The following CYP19A1 variants were observed in gnomAD, a reference collection of about 807,000 sequenced individuals.
CYP19A1 encodes cytochrome P450 family 19 subfamily A member 1, also known as aromatase.
CYP19A1 carries 32 observed loss-of-function variants against 44.4 expected under a neutral mutation model. That is an observed-to-expected ratio of 0.72 (90% CI 0.54 to 0.97). The LOEUF (loss-of-function observed/expected upper bound fraction) is 0.97, where lower values mean the gene tolerates loss of function less well. Ranked by LOEUF, CYP19A1 falls within the 50% of genes least tolerant of loss-of-function variation. CYP19A1 has a pLI of 0.00. For missense variants in CYP19A1, 598 were observed against 637.8 expected (o/e 0.94, Z 0.67); for synonymous variants, 212 against 215.6 (o/e 0.98, Z 0.14).
intron 1 of CYP19A1, among the ~76,000 whole-genome samples, chr15:51,299,817 AG>A (rs376868118): frequency 6.6e-6 from 1 of 152,212 alleles, no homozygotes; most frequent in African/African-American, 2.4e-5. Context: ...TTTAGAGTGT[AG>A]GGGAGCACCC....
chr15:51,218,367 C>T, intron 6 of CYP19A1, 174 bp downstream of exon 6: 2 of 1,004,954 alleles, frequency 2.0e-6, no homozygotes, highest in Admixed American at 5.9e-5. Flanking sequence ...CTGGTCTGGC[C>T]AAATGCAGCC....
intron 1 of CYP19A1, among the ~76,000 whole-genome samples, chr15:51,259,255 T>C (rs990576739): frequency 6.6e-6 from 1 of 152,174 alleles, no homozygotes; most frequent in African/African-American, 2.4e-5. Context: ...TTTTTTTCCT[T>C]GAAAAATAAT....
At chr15:51,218,511 T>C in intron 6 of CYP19A1, 30 bp downstream of exon 6, 1 of 1,598,246 alleles carries the variant, frequency 6.3e-7, no homozygotes, top group Non-Finnish European at 8.5e-7. Context: ...CCAATTGTAC[T>C]CATAAATCTT....
chr15:51,293,924 C>A, intron 1 of CYP19A1: 1 of 213,586 alleles, frequency 4.7e-6, no homozygotes. Context: ...CACCTCCCAG[C>A]CGCCTGCCTT....
At chr15:51,315,352 T>C (rs2036405289) in intron 1 of CYP19A1, among the ~76,000 whole-genome samples, 1 of 152,012 alleles carries the variant, frequency 6.6e-6, no homozygotes, top group Admixed American at 6.5e-5. Context: ...AGTCTTCGGG[T>C]TTCCACTGTA....
At chr15:51,223,258 G>GGAAT (rs3842333) in intron 4 of CYP19A1, among the ~76,000 whole-genome samples, 38,718 of 150,992 alleles carry the variant, frequency 0.26, 5,201 homozygotes, top group Non-Finnish European at 0.3. Flanking sequence ...TTTCAATAGA[G>GGAAT]GAATGAATGA....
In CYP19A1 at chr15:51,210,499, T is replaced by A; in HGVS notation, c.*309A>T. 1.8e-6 allele frequency: 1 copy of A among 553,860 alleles called. No homozygotes were observed. The highest frequency in any genetic ancestry group is 1.5e-5 in the South Asian group (1 of 65,040). The allele number at this position is 553,860 out of a possible 1,614,324, so 34.3% of individuals were successfully genotyped here. ...CTGGGGAACCAGACATACATTTTGT[T>A]AATGAAGGCCTATCCTTCTCAAAGC... is the stretch of plus-strand genomic sequence containing the variant. On this transcript the variant is annotated 3_prime_UTR_variant, in exon 10 of 10. Transcript: ENST00000396402.
chr15:51,290,612 G>C (rs2035820544), intron 1 of CYP19A1, among the ~76,000 whole-genome samples: 1 of 151,848 alleles, frequency 6.6e-6, no homozygotes, highest in Non-Finnish European at 1.5e-5. Flanking sequence ...AGTGTAGGGA[G>C]GTGTGTCAAA....
intron 1 of CYP19A1, among the ~76,000 whole-genome samples, chr15:51,326,369 T>C (rs2036608608): frequency 1.3e-5 from 2 of 152,124 alleles, no homozygotes; most frequent in South Asian, 4.1e-4. Flanking sequence ...TGTCCAGAAC[T>C]CCAGAACAAT....
At chr15:51,219,832 A>G (rs1411579041) in intron 5 of CYP19A1, among the ~76,000 whole-genome samples, 1 of 152,232 alleles carries the variant, frequency 6.6e-6, no homozygotes, top group Non-Finnish European at 1.5e-5. Flanking sequence ...CTTTTAAAAT[A>G]CACGCCTGTT....
chr15:51,218,499 A>G (rs1238816305), intron 6 of CYP19A1, 42 bp downstream of exon 6: 5 of 1,582,776 alleles, frequency 3.2e-6, no homozygotes, highest in African/African-American at 2.7e-5. Flanking sequence ...AAAAAAACCA[A>G]TCCAATTGTA....
chr15:51,237,635 A>T (rs564043525), intron 2 of CYP19A1, among the ~76,000 whole-genome samples: 4 of 152,354 alleles, frequency 2.6e-5, no homozygotes, highest in African/African-American at 9.6e-5. Context: ...AAGCTAAGAG[A>T]TGGGGAGTCA....
At position 51,230,617 on chromosome 15, in the gene CYP19A1, CTT is replaced by C. The variant is rs35011672; in HGVS notation, c.297-2686_297-2685del. ...CAATTAATGGACTAATTGGTGCCTTCTTTTTTTTTTTTTTTTTTTGAGACAGA... is the reference window on the plus strand; with the variant it reads ...CAATTAATGGACTAATTGGTGCCTTCTTTTTTTTTTTTTTTTTGAGACAGA... On this transcript the variant is annotated intron_variant, in intron 3 of 9. Coordinates refer to ENST00000396402, the MANE Select transcript of CYP19A1 (RefSeq NM_000103.4). Among the ~76,000 whole-genome samples, 916 of 126,500 alleles carry C rather than the reference CTT, an allele frequency of 7.2e-3. 11 individuals carry two copies. Among genetic ancestry groups the C allele is most frequent in the African/African-American group, 0.025 (858 of 34,130 alleles). The allele number at this position is 126,500 out of a possible 152,430, so 83.0% of individuals were successfully genotyped here. A position where few individuals can be genotyped will look rare whatever the true frequency, so the allele number is the denominator to read the frequency against.
chr15:51,233,904 G>A (rs1417641854), intron 3 of CYP19A1, among the ~76,000 whole-genome samples: 1 of 152,154 alleles, frequency 6.6e-6, no homozygotes. Flanking sequence ...CAGCTCACCA[G>A]ATGGACCGTG....
intron 1 of CYP19A1, among the ~76,000 whole-genome samples, chr15:51,303,732 A>G (rs1022682611): frequency 1.3e-5 from 2 of 152,224 alleles, no homozygotes; most frequent in African/African-American, 4.8e-5. Context: ...AGATAAGTAG[A>G]GCTGATTAGA....
At chr15:51,214,061 A>G (rs1036296702) in intron 8 of CYP19A1, among the ~76,000 whole-genome samples, 3 of 152,098 alleles carry the variant, frequency 2.0e-5, no homozygotes, top group African/African-American at 7.2e-5. Flanking sequence ...ATTTTCCCTT[A>G]CGTTTAACTA....
rs761125393 is a variant in CYP19A1 at position 51,300,756 on chromosome 15, CCTTT to C, written c.-39+37735_-39+37738del. Among the ~76,000 whole-genome samples, 9 of 152,258 alleles carry C rather than the reference CCTTT, an allele frequency of 5.9e-5. No individual in the cohort carries two copies. The South Asian group carries it at 1.9e-3, about 32-fold the overall frequency. On this transcript the variant is annotated intron_variant, in intron 1 of 9. Coordinates refer to ENST00000396402, the MANE Select transcript of CYP19A1 (RefSeq NM_000103.4). ...CCCCAAATTACACCGCCATTCTATG[CCTTT>C]CTTATTGTATCAAATGCTTGAGGAT...
chr15:51,327,838 A>G (rs2036636226), intron 1 of CYP19A1, among the ~76,000 whole-genome samples: 1 of 152,204 alleles, frequency 6.6e-6, no homozygotes, highest in Non-Finnish European at 1.5e-5. Flanking sequence ...CCCATAGATA[A>G]TATATCTACC....
At chr15:51,252,201 G>C (rs1240127937) in intron 1 of CYP19A1, among the ~76,000 whole-genome samples, 11 of 152,160 alleles carry the variant, frequency 7.2e-5, no homozygotes. Flanking sequence ...TAGAGTCCCA[G>C]ACCCATTCTA....
Sources: gnomAD v4.1 joint callset for allele counts (sites outside exome capture counted in the v4.1 genomes callset) on GRCh38, gnomAD v4.1.1 for gene constraint, MANE v1.5 for transcripts, NCBI Gene and HGNC (gene_info 2026-07-23, HGNC 2026-07-21) for gene names.